Variants in SNRPA1 observed in about 807,000 individuals in gnomAD.
The protein encoded by SNRPA1 is small nuclear ribonucleoprotein polypeptide A'.
In SNRPA1, 5 loss-of-function variants were observed where a neutral mutation model predicts 32.3. The ratio of observed to expected loss-of-function variants is 0.15; its 90% CI spans 0.08 to 0.33. SNRPA1 has a LOEUF of 0.33. Ranked by LOEUF, SNRPA1 falls within the 10% of genes least tolerant of loss-of-function variation. The pLI is 1.00. For missense variants in SNRPA1, 198 were observed against 311.1 expected, an observed-to-expected ratio of 0.64 and a Z score of 2.74; for synonymous variants, 111 against 120.1, an observed-to-expected ratio of 0.92 and a Z score of 0.50.
intron 8 of SNRPA1, among the ~76,000 whole-genome samples, chr15:101,284,092 T>A (rs768134327): frequency 6.6e-6 from 1 of 152,250 alleles, no homozygotes; most frequent in Non-Finnish European, 1.5e-5. Flanking sequence ...TTATCTTATA[T>A]CCCTAGTGCC....
chr15:101,282,339 G>C (rs1429904211), intron 8 of SNRPA1, among the ~76,000 whole-genome samples: 1 of 152,214 alleles, frequency 6.6e-6, no homozygotes. Context: ...CTTAATGTCT[G>C]ACTTAACATC....
At chr15:101,288,156 C>G (rs996741131) in intron 3 of SNRPA1, 1 of 160,956 alleles carries the variant, frequency 6.2e-6, no homozygotes, top group African/African-American at 2.4e-5. Flanking sequence ...ATCCTAGCTG[C>G]CCCTGAAAAT....
intron 5 of SNRPA1, 189 bp downstream of exon 5, chr15:101,286,719 C>G: frequency 1.9e-6 from 1 of 527,144 alleles, no homozygotes; most frequent in South Asian, 2.3e-5. Flanking sequence ...CATAAGAGAG[C>G]TCCAACTTAA....
At chr15:101,287,572 T>C in intron 4 of SNRPA1, 84 bp downstream of exon 4, 2 of 1,180,746 alleles carry the variant, frequency 1.7e-6, no homozygotes, top group Non-Finnish European at 2.5e-6. Flanking sequence ...ATTTTTTAAT[T>C]ATCTGATTAC....
rs773441192 is a variant in SNRPA1, at chr15:101,287,717, C to T, written c.310-15G>A. On this transcript the variant is annotated splice_polypyrimidine_tract_variant and intron_variant, in intron 3 of 8. Transcript: ENST00000254193. ...TCCAGATCACCCTGTCAAGCAATAGCCACAGGTAAGAACGCGAATACCACA... is the reference window on the plus strand; with the variant it reads ...TCCAGATCACCCTGTCAAGCAATAGTCACAGGTAAGAACGCGAATACCACA... The T allele has an allele frequency of 6.2e-7, 1 of 1,612,890 alleles. No homozygotes were observed. Among genetic ancestry groups the T allele is most frequent in the African/African-American group, 1.3e-5 (1 of 74,878 alleles).
chr15:101,293,746 T>C (rs753736608), intron 1 of SNRPA1, among the ~76,000 whole-genome samples: 1 of 152,222 alleles, frequency 6.6e-6, no homozygotes, highest in Non-Finnish European at 1.5e-5. Context: ...AATGTTAATT[T>C]GTCTAATTTG....
chr15:101,286,142 G>C, intron 6 of SNRPA1, 72 bp downstream of exon 6: 1 of 1,307,748 alleles, frequency 7.6e-7, no homozygotes, highest in Admixed American at 2.0e-5. Context: ...TTTTGTAGGA[G>C]ACGAACTGCC....
chr15:101,289,751 G>A (rs1453501626), intron 3 of SNRPA1: 2 of 143,546 alleles, frequency 1.4e-5, no homozygotes, highest in Non-Finnish European at 3.0e-5. Context: ...CCAACATGGT[G>A]AAACTTCGTC....
In SNRPA1 at chr15:101,293,781, A is replaced by G. The variant is rs185736298; in HGVS notation, c.83-609T>C. ...GGGCATAATTATTGTGTTAGGCACT[A>G]TAAGAAAAGAAATATTCCGAAGAAG... On this transcript the variant is annotated intron_variant, in intron 1 of 8. Coordinates refer to ENST00000254193, the MANE Select transcript of SNRPA1 (RefSeq NM_003090.4). Among the ~76,000 whole-genome samples the G allele has an allele frequency of 5.9e-5, 9 of 152,368 alleles. No individual in the cohort carries two copies. The East Asian group carries it at 1.3e-3, about 23-fold the overall frequency.
rs534652416 is a variant in SNRPA1, at chr15:101,293,571, C to T, written c.83-399G>A. Among the ~76,000 whole-genome samples, 7 of 152,340 alleles carry T rather than the reference C, an allele frequency of 4.6e-5. No homozygotes were observed. In the South Asian group the frequency reaches 1.4e-3, roughly 32 times the overall value. On this transcript the variant is annotated intron_variant, in intron 1 of 8. Coordinates refer to ENST00000254193, the MANE Select transcript of SNRPA1 (RefSeq NM_003090.4). ...TCTCAGTGCCCAAACGGCGTTCAAA[C>T]ATTGTGGACGACAGTTCTCCACTCT...
intron 1 of SNRPA1, among the ~76,000 whole-genome samples, chr15:101,293,627 C>G (rs756172930): frequency 6.6e-6 from 1 of 152,182 alleles, no homozygotes; most frequent in Non-Finnish European, 1.5e-5. Context: ...TCTTAGAACC[C>G]ATCAGAACAG....
Position 101,286,249 on chromosome 15 carries a change from T to A in SNRPA1, c.504A>T (p.Ala168=). The A allele has an allele frequency of 6.2e-7, 1 of 1,614,220 alleles. No homozygotes were observed. The highest frequency in any genetic ancestry group is 8.5e-7 in the Non-Finnish European group (1 of 1,180,024). The change falls in exon 6 of 9, where the codon GCA becomes GCT. Residue 168 remains alanine, a synonymous_variant. Transcript: ENST00000254193. ...AEKMFKGKRG[A]QLAKDIARRS... is the part of the protein sequence containing the mutation. Reference sequence around the variant, plus strand: ...TCCTGGCAATATCCTTTGCAAGCTGTGCACCCCGTTTGCCCTTGAACATTT... The same window carrying A: ...TCCTGGCAATATCCTTTGCAAGCTGAGCACCCCGTTTGCCCTTGAACATTT...
intron 3 of SNRPA1, among the ~76,000 whole-genome samples, chr15:101,291,616 C>G (rs958603470): frequency 6.6e-6 from 1 of 151,068 alleles, no homozygotes; most frequent in African/African-American, 2.4e-5. Flanking sequence ...GTTACTGGTA[C>G]TATATTGAAC....
chr15:101,283,896 C>T (rs766917760), intron 8 of SNRPA1, among the ~76,000 whole-genome samples: 4 of 152,238 alleles, frequency 2.6e-5, no homozygotes, highest in African/African-American at 7.2e-5. Context: ...GCCGAGATCG[C>T]GCCACTGCAC....
At chr15:101,285,210 G>A (rs779979649) in intron 7 of SNRPA1, 150 bp from the exon 8 acceptor site, 1 of 571,240 alleles carries the variant, frequency 1.8e-6, no homozygotes, top group Non-Finnish European at 3.1e-6. Flanking sequence ...GAATGTTATT[G>A]GCCCACAAAA....
At chr15:101,291,273 C>T (rs1025703019) in intron 3 of SNRPA1, among the ~76,000 whole-genome samples, 1 of 152,114 alleles carries the variant, frequency 6.6e-6, no homozygotes, top group East Asian at 1.9e-4. Flanking sequence ...ATTGGATACA[C>T]AGAACAGAAA....
At chr15:101,294,994 G>C in intron 1 of SNRPA1, 103 bp downstream of exon 1, 3 of 712,342 alleles carry the variant, frequency 4.2e-6, no homozygotes, top group Non-Finnish European at 6.3e-6. Flanking sequence ...CCAGACAACC[G>C]GCCCGCGGGC....
rs1194888161 is a variant in SNRPA1 at position 101,294,999 on chromosome 15, G to A, written c.82+98C>T. 8 of 755,812 alleles carry A rather than the reference G, an allele frequency of 1.1e-5. No homozygotes were observed. The African/African-American group carries it at 1.1e-4, about 11-fold the overall frequency. The allele number at this position is 755,812 out of a possible 1,614,324, so 46.8% of individuals were successfully genotyped here. ...CGGTCGGAGCCCAGACAACCGGCCC[G>A]CGGGCCAAGCTCCGGCCTTCGGTGC... On this transcript the variant is annotated intron_variant, in intron 1 of 8. Transcript: ENST00000254193.
intron 3 of SNRPA1, 38 bp downstream of exon 3, chr15:101,291,924 C>G (rs375685472): frequency 2.9e-6 from 4 of 1,359,870 alleles, no homozygotes; most frequent in Admixed American, 3.4e-5. Flanking sequence ...TACCTTTAAC[C>G]CCACCCACCA....
Sources: allele counts gnomAD v4.1 joint callset (sites outside exome capture counted in the v4.1 genomes callset), GRCh38; gene constraint gnomAD v4.1.1; transcripts MANE v1.5; gene names NCBI Gene and HGNC (gene_info 2026-07-23, HGNC 2026-07-21).